TSPAN11: variants seen among roughly 807,000 people sequenced by gnomAD.
TSPAN11 encodes the protein tetraspanin 11, also known as tetraspanin-11.
TSPAN11 carries 29 observed loss-of-function variants against 32.9 expected under a neutral mutation model. The observed-to-expected ratio is 0.88, with a 90% CI of 0.66 to 1.20. The LOEUF is 1.20. Ranked by LOEUF, TSPAN11 falls within the 50% of genes most tolerant of loss-of-function variation. The probability of loss-of-function intolerance (pLI) is 0.00; values close to 1 mark genes in which losing one functional copy is unlikely to be tolerated. For missense variants in TSPAN11, 283 were observed against 329.1 expected, an observed-to-expected ratio of 0.86 and a Z score of 1.08; for synonymous variants, 140 against 141.3, an observed-to-expected ratio of 0.99 and a Z score of 0.07.
chr12:30,980,972 A>G (rs1405224901), intron 5 of TSPAN11, among the ~76,000 whole-genome samples: 1 of 152,112 alleles, frequency 6.6e-6, no homozygotes, highest in East Asian at 1.9e-4. Flanking sequence ...ATGTGCATGC[A>G]GTGCAAGGCT....
intron 1 of TSPAN11, among the ~76,000 whole-genome samples, chr12:30,935,390 T>G (rs1362338313): frequency 5.4e-5 from 8 of 149,154 alleles, no homozygotes; most frequent in Admixed American, 1.3e-4. Context: ...TTTTTTTTTT[T>G]TTTTTTTTTG....
At chr12:31,002,445 G>A in the TSPAN11 span, among the ~76,000 whole-genome samples, 2 of 152,162 alleles carry the variant, frequency 1.3e-5, no homozygotes, top group African/African-American at 2.4e-5. The surrounding 1 kb of genome is among the most constrained non-coding windows in gnomAD (Gnocchi z 4.8). Flanking sequence ...CATCTACCAT[G>A]TGTCACTGTG....
intron 7 of TSPAN11, among the ~76,000 whole-genome samples, chr12:30,985,870 C>T (rs1018959128): frequency 6.6e-6 from 1 of 152,268 alleles, no homozygotes; most frequent in African/African-American, 2.4e-5. Context: ...CTCCTGCCCA[C>T]TCAAAACCCC....
intron 3 of TSPAN11, chr12:30,978,296 C>T (rs923019393): frequency 1.3e-5 from 6 of 449,300 alleles, no homozygotes; most frequent in Middle Eastern, 1.2e-3. Flanking sequence ...GTCTTACTTA[C>T]GCTACCTGGC....
chr12:30,979,732 C>A, intron 5 of TSPAN11, 62 bp downstream of exon 5: 5 of 1,563,236 alleles, frequency 3.2e-6, no homozygotes, highest in Non-Finnish European at 4.4e-6. Flanking sequence ...CCCGACTGTT[C>A]TTTCCTTTCT....
At chr12:30,937,117 A>G (rs11611550) in intron 1 of TSPAN11, among the ~76,000 whole-genome samples, 78,505 of 152,098 alleles carry the variant, frequency 0.52, 22,797 homozygotes, top group Non-Finnish European at 0.67. Context: ...GAGATGAAGC[A>G]GGAGGAGATA....
intron 1 of TSPAN11, among the ~76,000 whole-genome samples, chr12:30,949,048 A>G (rs577800371): frequency 9.9e-5 from 15 of 152,266 alleles, no homozygotes; most frequent in South Asian, 2.1e-4. Context: ...GGTAAAACAT[A>G]CAAGAGTCAC....
At position 30,979,805 on chromosome 12, in the gene TSPAN11, G is replaced by A. The variant is rs1939052445; in HGVS notation, c.456+135G>A. The stretch of plus-strand genomic sequence containing the variant: ...TCAAATGTCACATCCTTAAAATGAA[G>A]CCTCTTTAGGGCACATGAGCATTAA... On this transcript the variant is annotated intron_variant, in intron 5 of 7. Transcript: ENST00000546076. 3.6e-6 allele frequency: 3 copies of A among 824,084 alleles called. No individual in the cohort carries two copies. The Admixed American group carries it at 7.2e-5, about 20-fold the overall frequency. The allele number at this position is 824,084 out of a possible 1,614,324, so 51.0% of individuals were successfully genotyped here.
intron 5 of TSPAN11, among the ~76,000 whole-genome samples, chr12:30,980,603 AGTAGAG>A (rs1939069831): frequency 6.6e-6 from 1 of 151,704 alleles, no homozygotes; most frequent in Admixed American, 6.6e-5. Context: ...ACGTCAGGCA[AGTAGAG>A]GTAGTAGATG....
chr12:31,005,565 C>T, the TSPAN11 span, among the ~76,000 whole-genome samples: 4 of 152,222 alleles, frequency 2.6e-5, no homozygotes, highest in Non-Finnish European at 5.9e-5. Flanking sequence ...CATCCAGGTG[C>T]CCCGTGCCCC....
chr12:30,989,456 G>A (rs542214948), intron 7 of TSPAN11, among the ~76,000 whole-genome samples: 8 of 152,288 alleles, frequency 5.3e-5, no homozygotes, highest in Admixed American at 1.3e-4. Flanking sequence ...GAAGGACTGG[G>A]TGCTGTGCTG....
At chr12:30,939,533 A>G (rs934764297) in intron 1 of TSPAN11, among the ~76,000 whole-genome samples, 1 of 152,156 alleles carries the variant, frequency 6.6e-6, no homozygotes, top group African/African-American at 2.4e-5. Flanking sequence ...AAATTCAACC[A>G]CATGCACGCA....
chr12:30,949,852 A>G (rs999644946), intron 1 of TSPAN11, among the ~76,000 whole-genome samples: 1 of 152,162 alleles, frequency 6.6e-6, no homozygotes, highest in African/African-American at 2.4e-5. Context: ...ACCTCTTGAC[A>G]GCATGTGGCA....
intron 1 of TSPAN11, among the ~76,000 whole-genome samples, chr12:30,930,055 G>C (rs561049251): frequency 6.6e-6 from 1 of 152,292 alleles, no homozygotes; most frequent in South Asian, 2.1e-4. Flanking sequence ...CGGGAGTAGA[G>C]AACTGGACCC....
chr12:30,974,970 G>A (rs1314138974), intron 3 of TSPAN11, among the ~76,000 whole-genome samples: 2 of 152,218 alleles, frequency 1.3e-5, no homozygotes, highest in East Asian at 1.9e-4. Flanking sequence ...ATAGCCTGGT[G>A]GAGCCAAGAC....
At chr12:30,931,299 C>T (rs963009055) in intron 1 of TSPAN11, among the ~76,000 whole-genome samples, 7 of 152,056 alleles carry the variant, frequency 4.6e-5, no homozygotes, top group African/African-American at 1.7e-4. Flanking sequence ...CAGTTGAGGT[C>T]ACTTGCTAGC....
intron 3 of TSPAN11, among the ~76,000 whole-genome samples, chr12:30,966,207 G>C (rs1046030585): frequency 5.3e-5 from 8 of 151,994 alleles, no homozygotes; most frequent in Non-Finnish European, 1.2e-4. Context: ...GAGTGGGTGA[G>C]ACCCTTTCCT....
intron 1 of TSPAN11, among the ~76,000 whole-genome samples, chr12:30,928,554 T>A (rs1221289076): frequency 6.6e-6 from 1 of 152,204 alleles, no homozygotes; most frequent in African/African-American, 2.4e-5. Flanking sequence ...ATGTCACCTG[T>A]CACTGAGACT....
At chr12:30,970,736 G>A (rs951177024) in intron 3 of TSPAN11, among the ~76,000 whole-genome samples, 5 of 152,164 alleles carry the variant, frequency 3.3e-5, no homozygotes, top group South Asian at 2.1e-4. Context: ...CAACCCAGGC[G>A]CTGAGCCCTG....
Sources: allele counts gnomAD v4.1 joint callset (sites outside exome capture counted in the v4.1 genomes callset), GRCh38; gene constraint gnomAD v4.1.1; non-coding constraint Gnocchi (gnomAD v3.1); transcripts MANE v1.5; gene names NCBI Gene and HGNC (gene_info 2026-07-23, HGNC 2026-07-21).